The following ZCCHC7 variants were observed in gnomAD, a reference collection of about 807,000 sequenced individuals.
ZCCHC7 encodes the protein zinc finger CCHC-type containing 7, also known as zinc finger CCHC domain-containing protein 7.
A neutral mutation model predicts 52.0 loss-of-function variants in ZCCHC7; 35 were observed. The observed-to-expected ratio is 0.67, with a 90% confidence interval of 0.51 to 0.89. The LOEUF (loss-of-function observed/expected upper bound fraction) is 0.89, where lower values mean the gene tolerates loss of function less well. ZCCHC7 is among the 40% of genes least tolerant of loss of function. The probability of loss-of-function intolerance (pLI) is 0.00; values close to 1 mark genes in which losing one functional copy is unlikely to be tolerated. For missense variants in ZCCHC7, 574 were observed against 649.1 expected (o/e 0.88, Z 1.26); for synonymous variants, 217 against 221.5 (o/e 0.98, Z 0.18).
At chr9:37,161,131 G>A (rs1821079244) in intron 2 of ZCCHC7, among the ~76,000 whole-genome samples, 1 of 151,612 alleles carries the variant, frequency 6.6e-6, no homozygotes, top group Admixed American at 6.6e-5. Context: ...TGTATTTTTA[G>A]TGGAGACAGG....
chr9:37,157,312 C>T (rs573182706), intron 2 of ZCCHC7, among the ~76,000 whole-genome samples: 24 of 151,368 alleles, frequency 1.6e-4, no homozygotes, highest in East Asian at 1.4e-3. Flanking sequence ...GCCTGGGCAA[C>T]GTAATGAGAC....
At chr9:37,228,318 T>C (rs1825221528) in intron 2 of ZCCHC7, among the ~76,000 whole-genome samples, 1 of 152,134 alleles carries the variant, frequency 6.6e-6, no homozygotes, top group African/African-American at 2.4e-5. Context: ...CATTATAAAT[T>C]ACTTTATGCA....
In ZCCHC7 at chr9:37,306,366, G is replaced by A. The variant is rs567384524; in HGVS notation, c.951+652G>A. ...TTGCAGGCGTGAGCCACTGCACCTG[G>A]CCTATTTGTGCATATTTAAATGAAA... On this transcript the variant is annotated intron_variant, in intron 5 of 8. Coordinates refer to ENST00000336755, the MANE Select transcript of ZCCHC7 (RefSeq NM_032226.3). Among the ~76,000 whole-genome samples the A allele has an allele frequency of 4.0e-5, 6 of 150,534 alleles. No homozygotes were observed. The South Asian group carries it at 1.3e-3, about 32-fold the overall frequency.
chr9:37,309,533 A>G (rs1279405994), intron 5 of ZCCHC7, among the ~76,000 whole-genome samples: 3 of 152,184 alleles, frequency 2.0e-5, no homozygotes, highest in Admixed American at 6.5e-5. Context: ...TAGCAATACT[A>G]TCCTCTACCA....
At chr9:37,120,645 C>T (rs1242285204) in intron 1 of ZCCHC7, 22 bp downstream of exon 1, 1 of 393,346 alleles carries the variant, frequency 2.5e-6, no homozygotes. Flanking sequence ...TGTGACGGAC[C>T]CCCGCCGCCC....
intron 2 of ZCCHC7, among the ~76,000 whole-genome samples, chr9:37,212,918 T>A (rs376145247): frequency 1.1e-4 from 16 of 152,166 alleles, no homozygotes; most frequent in African/African-American, 3.6e-4. Flanking sequence ...ACATACCTTT[T>A]TCACTTTTAC....
intron 2 of ZCCHC7, among the ~76,000 whole-genome samples, chr9:37,249,456 C>CTTTTTTTTTTTTTT (rs60166399): frequency 9.1e-4 from 101 of 111,236 alleles, no homozygotes; most frequent in Middle Eastern, 5.2e-3. Flanking sequence ...CTTCTTCTTC[C>CTTTTTTTTTTTTTT]TTTTTTTTTT....
intron 2 of ZCCHC7, among the ~76,000 whole-genome samples, chr9:37,273,502 C>T (rs978122988): frequency 6.6e-6 from 1 of 151,858 alleles, no homozygotes; most frequent in Non-Finnish European, 1.5e-5. Context: ...GACTCCGTCT[C>T]GAAAAGAAAA....
intron 5 of ZCCHC7, among the ~76,000 whole-genome samples, chr9:37,310,884 G>A (rs192492255): frequency 9.6e-4 from 144 of 150,626 alleles, no homozygotes; most frequent in African/African-American, 3.4e-3. Context: ...TTGAGCCCAG[G>A]AGATCAAGGC....
At chr9:37,240,519 T>C (rs1166189281) in intron 2 of ZCCHC7, among the ~76,000 whole-genome samples, 1 of 152,042 alleles carries the variant, frequency 6.6e-6, no homozygotes, top group East Asian at 1.9e-4. Flanking sequence ...TGGTAAGGTA[T>C]TATGTAAAGG....
intron 2 of ZCCHC7, among the ~76,000 whole-genome samples, chr9:37,162,835 G>A (rs1201044671): frequency 6.6e-6 from 1 of 152,212 alleles, no homozygotes; most frequent in East Asian, 1.9e-4. Flanking sequence ...CACTTTGGGA[G>A]GCTGAGGTGG....
At chr9:37,141,328 A>G (rs144715387) in intron 2 of ZCCHC7, among the ~76,000 whole-genome samples, 159 of 151,164 alleles carry the variant, frequency 1.1e-3, no homozygotes, top group African/African-American at 3.7e-3. Flanking sequence ...CTTTGTTTTG[A>G]TCTTTCTTCC....
At chr9:37,275,020 A>C (rs1329667871) in intron 2 of ZCCHC7, among the ~76,000 whole-genome samples, 3 of 152,174 alleles carry the variant, frequency 2.0e-5, no homozygotes, top group African/African-American at 7.2e-5. Context: ...TAAAAATTAG[A>C]GCTTTATACT....
chr9:37,199,697 TG>T (rs1161441401), intron 2 of ZCCHC7, among the ~76,000 whole-genome samples: 19 of 71,932 alleles, frequency 2.6e-4, no homozygotes, highest in South Asian at 1.8e-3. Flanking sequence ...TCTTTCTGTC[TG>T]TCTTTCTTTC....
intron 2 of ZCCHC7, among the ~76,000 whole-genome samples, chr9:37,293,969 T>C (rs925363893): frequency 2.0e-5 from 3 of 152,198 alleles, no homozygotes; most frequent in African/African-American, 7.2e-5. Flanking sequence ...AAATTGTTTC[T>C]GGTAAATTTA....
intron 7 of ZCCHC7, among the ~76,000 whole-genome samples, chr9:37,352,572 G>T (rs913017650): frequency 7.1e-6 from 1 of 141,168 alleles, no homozygotes; most frequent in Non-Finnish European, 1.5e-5. Flanking sequence ...AGGCTGGAGT[G>T]CAGTGGCGCA....
At chr9:37,324,230 A>G (rs1370252485) in intron 5 of ZCCHC7, among the ~76,000 whole-genome samples, 1 of 152,140 alleles carries the variant, frequency 6.6e-6, no homozygotes, top group Non-Finnish European at 1.5e-5. Flanking sequence ...GTGTTTCGTA[A>G]TTGTAGTTGT....
chr9:37,349,231 A>G (rs1821211164), intron 6 of ZCCHC7, 126 bp from the exon 7 acceptor site: 1 of 788,042 alleles, frequency 1.3e-6, no homozygotes, highest in Non-Finnish European at 2.0e-6. Context: ...TCGCCTGAAT[A>G]CAGGTCTCCA....
intron 2 of ZCCHC7, among the ~76,000 whole-genome samples, chr9:37,180,419 A>G (rs889233748): frequency 6.8e-6 from 1 of 146,312 alleles, no homozygotes; most frequent in Non-Finnish European, 1.5e-5. Flanking sequence ...TCTAATGTTA[A>G]TAATACAGTG....
Sources: allele counts gnomAD v4.1 joint callset (sites outside exome capture counted in the v4.1 genomes callset), GRCh38; gene constraint gnomAD v4.1.1; transcripts MANE v1.5; gene names NCBI Gene and HGNC (gene_info 2026-07-23, HGNC 2026-07-21).